The following HDAC1 variants were observed in gnomAD, a reference collection of about 807,000 sequenced individuals.
HDAC1 encodes the protein protein deacetylase HDAC1.
HDAC1 carries 18 observed loss-of-function variants against 65.5 expected under a neutral mutation model. That is an observed-to-expected ratio of 0.27 (90% CI 0.19 to 0.41). The LOEUF (loss-of-function observed/expected upper bound fraction) is 0.41, where lower values mean the gene tolerates loss of function less well. Ranked by LOEUF, HDAC1 falls within the 10% of genes least tolerant of loss-of-function variation. The pLI, the probability that HDAC1 is intolerant of heterozygous loss-of-function variation, is 1.00. For synonymous variants in HDAC1, 211 were observed against 227.9 expected, an observed-to-expected ratio of 0.93 and a Z score of 0.67; for missense variants, 373 against 625.2, an observed-to-expected ratio of 0.60 and a Z score of 4.30.
chr1:32,332,059 C>G (rs1641299810), intron 11 of HDAC1, 31 bp from the exon 12 acceptor site: 3 of 1,547,558 alleles, frequency 1.9e-6, no homozygotes, highest in African/African-American at 1.4e-5. Flanking sequence ...ACCCGCCTGC[C>G]CTCTCACCCA....
At position 32,292,180 on chromosome 1, in the gene HDAC1, C is replaced by T. The variant is rs1640707033; in HGVS notation, c.11C>T (p.Thr4Met). The T allele has an allele frequency of 6.5e-6, 10 of 1,548,470 alleles. No homozygotes were observed. Among genetic ancestry groups the T allele is most frequent in the Non-Finnish European group, 7.0e-6 (8 of 1,146,378 alleles). The change falls in exon 1 of 14, where the codon ACG (threonine) becomes ATG (methionine). Residue 4 changes from threonine (T) to methionine (M), a missense_variant. By Grantham distance (81) the Thr-to-Met change is moderately conservative (BLOSUM62 -1). Transcript: ENST00000373548. ...CGGGAGGCGAGCAAGATGGCGCAGA[C>T]GCAGGGCACCCGGAGGAAAGTCTGT... The part of the protein sequence containing the change: MAQ[T>M]QGTRRKVCYY...
chr1:32,311,301 CT>C (rs1333942978), intron 2 of HDAC1, among the ~76,000 whole-genome samples: 1 of 152,118 alleles, frequency 6.6e-6, no homozygotes, highest in African/African-American at 2.4e-5. Flanking sequence ...AACCCTATCT[CT>C]ACTAAAAATA....
chr1:32,332,536 C>T (rs574294063), intron 12 of HDAC1, among the ~76,000 whole-genome samples, 165 bp from the exon 13 acceptor site: 3 of 152,350 alleles, frequency 2.0e-5, no homozygotes, highest in Non-Finnish European at 2.9e-5. Context: ...GGAAACCAGT[C>T]CAACCTGTTC....
rs1456500249 is a variant in HDAC1 at position 32,329,228 on chromosome 1, AC to A, written c.729+73del. 3.0e-5 allele frequency: 27 copies of A among 899,432 alleles called. No individual in the cohort carries two copies. The highest frequency in any genetic ancestry group is 4.4e-4 in the Middle Eastern group (2 of 4,546). 55.7% of individuals were successfully genotyped at this position (899,432 alleles called of 1,614,324 possible). On this transcript the variant is annotated intron_variant, in intron 7 of 13. Coordinates refer to ENST00000373548, the MANE Select transcript of HDAC1 (RefSeq NM_004964.3). This position sits in a 1 kb window ranked among gnomAD's most constrained non-coding sequence, Gnocchi z 4.1. ...GGTTGGCGGTGGAGGGGAGCAAAGC[AC>A]CCCCACCATACCTCAGGAATCTCTC...
intron 12 of HDAC1, 57 bp from the exon 13 acceptor site, chr1:32,332,644 C>T: frequency 1.5e-6 from 2 of 1,329,080 alleles, no homozygotes; most frequent in Non-Finnish European, 2.1e-6. Context: ...AAATGAAGAC[C>T]TCATGGGTCT....
rs2148073644 is a variant in HDAC1 at position 32,332,158 on chromosome 1, G to A, written c.1288G>A (p.Gly430Ser). 1 of 1,613,560 alleles carries A rather than the reference G, an allele frequency of 6.2e-7. No individual in the cohort carries two copies. The highest frequency in any genetic ancestry group is 8.5e-7 in the Non-Finnish European group (1 of 1,179,614). Residue 430 changes from glycine to serine, a missense_variant, in exon 12 of 14, where the codon GGC (glycine) becomes AGC (serine). By Grantham distance (56) the Gly-to-Ser change is moderately conservative. Coordinates refer to ENST00000373548, the MANE Select transcript of HDAC1 (RefSeq NM_004964.3). ...CGATTCTGAAGAGGAGGGAGAGGGG[G>A]GCCGCAAGAACTCTTCCAACTTCAA... ...FSDSEEEGEG[G>S]RKNSSNFKKA...
intron 4 of HDAC1, among the ~76,000 whole-genome samples, chr1:32,326,297 G>A (rs1047915384): frequency 5.9e-5 from 9 of 151,818 alleles, no homozygotes; most frequent in Non-Finnish European, 1.2e-4. Flanking sequence ...AGGTAGCTGG[G>A]ACTACAAGTG....
At chr1:32,323,078 G>A (rs1423808278) in intron 3 of HDAC1, among the ~76,000 whole-genome samples, 4 of 152,072 alleles carry the variant, frequency 2.6e-5, no homozygotes, top group African/African-American at 4.8e-5. Context: ...CGAGGCGGGC[G>A]GATCACAGGG....
intron 4 of HDAC1, among the ~76,000 whole-genome samples, chr1:32,325,981 C>T (rs933687957): frequency 3.3e-5 from 5 of 151,284 alleles, no homozygotes; most frequent in Middle Eastern, 3.2e-3. Flanking sequence ...GAGCCGAGAT[C>T]GCGCCACTGC....
rs770056796 is a variant in HDAC1 at position 32,327,783 on chromosome 1, C to T, written c.636+106C>T. On this transcript the variant is annotated intron_variant, in intron 6 of 13. Coordinates refer to ENST00000373548, the MANE Select transcript of HDAC1 (RefSeq NM_004964.3). The surrounding 1 kb of genome is among the most constrained non-coding windows in gnomAD (Gnocchi z 6.0). ...ATTGCTTCTTGCCTCTTCTGCCAATCAGAATACCACATCCCAATCTGAAGC... is the reference window on the plus strand; with the variant it reads ...ATTGCTTCTTGCCTCTTCTGCCAATTAGAATACCACATCCCAATCTGAAGC... 8 of 885,106 alleles carry T rather than the reference C, an allele frequency of 9.0e-6. No individual in the cohort carries two copies. The highest frequency in any genetic ancestry group is 2.6e-5 in the East Asian group (1 of 39,028). 54.8% of individuals were successfully genotyped at this position (885,106 alleles called of 1,614,324 possible).
At chr1:32,306,395 T>C (rs1051973581) in intron 2 of HDAC1, among the ~76,000 whole-genome samples, 4 of 152,050 alleles carry the variant, frequency 2.6e-5, no homozygotes, top group African/African-American at 9.7e-5. Flanking sequence ...CAACCTCAGG[T>C]GATCCGCCCG....
At chr1:32,325,259 TC>T in intron 4 of HDAC1, among the ~76,000 whole-genome samples, 1 of 152,224 alleles carries the variant, frequency 6.6e-6, no homozygotes, top group Non-Finnish European at 1.5e-5. Context: ...ATCTCCCACT[TC>T]CATTTGCAAC....
rs1303052911 is a variant in HDAC1 at position 32,329,535 on chromosome 1, T to G, written c.729+375T>G. The G allele has an allele frequency of 1.6e-5, 5 of 312,644 alleles. No individual in the cohort carries two copies. The highest frequency in any genetic ancestry group is 3.1e-5 in the Non-Finnish European group (5 of 163,702). The allele number at this position is 312,644 out of a possible 1,614,324, so 19.4% of individuals were successfully genotyped here. The stretch of plus-strand genomic sequence containing the variant: ...GTAGTGGTATGTCTCCTTGGTTTTT[T>G]GTGTTCCTCATTGCCTTACATTGAT... On this transcript the variant is annotated intron_variant, in intron 7 of 13. Coordinates refer to ENST00000373548, the MANE Select transcript of HDAC1 (RefSeq NM_004964.3). The surrounding 1 kb of genome is among the most constrained non-coding windows in gnomAD (Gnocchi z 4.1).
At chr1:32,304,177 A>T (rs1028456578) in intron 2 of HDAC1, among the ~76,000 whole-genome samples, 1 of 152,160 alleles carries the variant, frequency 6.6e-6, no homozygotes, top group African/African-American at 2.4e-5. Flanking sequence ...AGCTTGAGTA[A>T]ACTACCAACA....
Position 32,327,687 on chromosome 1 carries a change from C to T in HDAC1, c.636+10C>T. 6.2e-7 allele frequency: 1 copy of T among 1,613,824 alleles called. No individual in the cohort carries two copies. The highest frequency in any genetic ancestry group is 8.5e-7 in the Non-Finnish European group (1 of 1,179,706). ...AACTGGGGACCTACGGGTGAGAACGCCCTTTAGGAGCCAACCGGCTTACCC... is the reference window on the plus strand; with the variant it reads ...AACTGGGGACCTACGGGTGAGAACGTCCTTTAGGAGCCAACCGGCTTACCC... On this transcript the variant is annotated intron_variant, in intron 6 of 13. Transcript: ENST00000373548. The surrounding 1 kb of genome is among the most constrained non-coding windows in gnomAD (Gnocchi z 6.0).
At chr1:32,308,340 C>T (rs920287176) in intron 2 of HDAC1, among the ~76,000 whole-genome samples, 6 of 151,996 alleles carry the variant, frequency 3.9e-5, no homozygotes, top group African/African-American at 7.2e-5. Flanking sequence ...ATATTTACTT[C>T]GTCAACAGGG....
rs1037525551 is a variant in HDAC1 at position 32,330,998 on chromosome 1, A to C, written c.979+90A>C. 13 of 1,214,158 alleles carry C rather than the reference A, an allele frequency of 1.1e-5. No individual in the cohort carries two copies. The South Asian group carries it at 1.2e-4, about 11-fold the overall frequency. 75.2% of individuals were successfully genotyped at this position (1,214,158 alleles called of 1,614,324 possible). On this transcript the variant is annotated intron_variant, in intron 9 of 13. Coordinates refer to ENST00000373548, the MANE Select transcript of HDAC1 (RefSeq NM_004964.3). This position sits in a 1 kb window ranked among gnomAD's most constrained non-coding sequence, Gnocchi z 4.2. ...TTATAACCCCTTCCCCGTTGGTCAT[A>C]TGACCGCTCCTCTTCTGATACTAGT...
chr1:32,294,075 A>T (rs553981243), intron 1 of HDAC1, among the ~76,000 whole-genome samples: 18 of 152,226 alleles, frequency 1.2e-4, no homozygotes, highest in African/African-American at 4.1e-4. Context: ...CTCAAAAAAA[A>T]AAAAAACAAA....
In HDAC1 at chr1:32,330,417, G is replaced by T; in HGVS notation, c.730-161G>T. On this transcript the variant is annotated intron_variant, in intron 7 of 13. Transcript: ENST00000373548. The surrounding 1 kb of genome is among the most constrained non-coding windows in gnomAD (Gnocchi z 4.2). The stretch of plus-strand genomic sequence containing the variant: ...ATTGGAAAATTGAAATCCCAAGTGG[G>T]CAAGCAAGGGCTCCAGCCTAGCACT... 1 of 646,692 alleles carries T rather than the reference G, an allele frequency of 1.5e-6. No homozygotes were observed. Among genetic ancestry groups the T allele is most frequent in the South Asian group, 1.8e-5 (1 of 55,714 alleles). The allele number at this position is 646,692 out of a possible 1,614,324, so 40.1% of individuals were successfully genotyped here.
Sources: allele counts gnomAD v4.1 joint callset (sites outside exome capture counted in the v4.1 genomes callset), GRCh38; gene constraint gnomAD v4.1.1; non-coding constraint Gnocchi (gnomAD v3.1); transcripts MANE v1.5; gene names NCBI Gene and HGNC (gene_info 2026-07-23, HGNC 2026-07-21).